Variants in RADIL observed in about 807,000 individuals in gnomAD.
RADIL encodes the protein ras-associating and dilute domain-containing protein.
RADIL carries 99 observed loss-of-function variants against 97.6 expected under a neutral mutation model. The observed-to-expected ratio is 1.01, with a 90% CI of 0.86 to 1.20. The LOEUF is 1.20. Ranked by LOEUF, RADIL falls within the 50% of genes most tolerant of loss-of-function variation. The pLI, the probability that RADIL is intolerant of heterozygous loss-of-function variation, is 0.00. For synonymous variants in RADIL, 803 were observed against 691.8 expected, an observed-to-expected ratio of 1.16 and a Z score of -2.52; for missense variants, 1,765 against 1,498.9, an observed-to-expected ratio of 1.18 and a Z score of -2.93.
intron 2 of RADIL, among the ~76,000 whole-genome samples, chr7:4,851,506 C>G (rs970302287): frequency 6.6e-6 from 1 of 152,154 alleles, no homozygotes; most frequent in African/African-American, 2.4e-5. Flanking sequence ...AGACTGCCAG[C>G]GAAGGCTCAG....
At chr7:4,853,916 C>T (rs1190781264) in intron 2 of RADIL, among the ~76,000 whole-genome samples, 1 of 152,116 alleles carries the variant, frequency 6.6e-6, no homozygotes, top group Non-Finnish European at 1.5e-5. Context: ...GTGATGTACC[C>T]AGCTAAGAAA....
chr7:4,877,511 G>A (rs541780800), intron 2 of RADIL, 94 bp downstream of exon 2: 17 of 1,388,830 alleles, frequency 1.2e-5, no homozygotes, highest in South Asian at 4.2e-5. Context: ...CCCGCCCCAC[G>A]CATGTCCCCT....
rs1396744711 is a variant in RADIL, at chr7:4,827,435, G to A, written c.1454+4706C>T. Among the ~76,000 whole-genome samples the A allele has an allele frequency of 5.3e-5, 8 of 151,476 alleles. No homozygotes were observed. In the South Asian group the frequency reaches 6.2e-4, roughly 12 times the overall value. On this transcript the variant is annotated intron_variant, in intron 5 of 14. Coordinates refer to ENST00000399583, the MANE Select transcript of RADIL (RefSeq NM_018059.5). ...AGCACTTTGGGAGGCCGAGGTGGGC[G>A]GGTCACCAGAGGTCAGGCGATCAAG...
At chr7:4,852,366 C>G (rs773047224) in intron 2 of RADIL, among the ~76,000 whole-genome samples, 2 of 152,190 alleles carry the variant, frequency 1.3e-5, no homozygotes, top group Non-Finnish European at 2.9e-5. Context: ...AAAAGAACTT[C>G]CACTGGAATT....
In RADIL at chr7:4,854,135, C is replaced by T. The variant is rs965550013; in HGVS notation, c.536-17530G>A. On this transcript the variant is annotated intron_variant, in intron 2 of 14. Coordinates refer to ENST00000399583, the MANE Select transcript of RADIL (RefSeq NM_018059.5). The surrounding 1 kb of genome is among the most constrained non-coding windows in gnomAD (Gnocchi z 5.1). The stretch of plus-strand genomic sequence containing the variant: ...GGCAGGGGCCCCATTAACCATCCTG[C>T]ACCTTGAGGTAACCCTGAAGATAGA... 1.3e-5 allele frequency among the ~76,000 whole-genome samples: 2 copies of T among 152,166 alleles called. No homozygotes were observed. The highest frequency in any genetic ancestry group is 2.4e-5 in the African/African-American group (1 of 41,434).
rs941795338 is a variant in RADIL, at chr7:4,880,125, G to A, written c.-64-1922C>T. On this transcript the variant is annotated intron_variant, in intron 1 of 14. Transcript: ENST00000399583. This position sits in a 1 kb window ranked among gnomAD's most constrained non-coding sequence, Gnocchi z 4.5. ...TCGCTGTGCCTGGCTTTCTGAAGAG[G>A]TGAATTTGCTGTAACAGGTCACGGA... Among the ~76,000 whole-genome samples the A allele has an allele frequency of 4.6e-5, 7 of 152,164 alleles. No homozygotes were observed. Among genetic ancestry groups the A allele is most frequent in the African/African-American group, 1.4e-4 (6 of 41,442 alleles).
rs961414604 is a variant in RADIL at position 4,854,088 on chromosome 7, C to T, written c.536-17483G>A. 1.3e-5 allele frequency among the ~76,000 whole-genome samples: 2 copies of T among 152,172 alleles called. No individual in the cohort carries two copies. Among genetic ancestry groups the T allele is most frequent in the African/African-American group, 4.8e-5 (2 of 41,436 alleles). On this transcript the variant is annotated intron_variant, in intron 2 of 14. Coordinates refer to ENST00000399583, the MANE Select transcript of RADIL (RefSeq NM_018059.5). The surrounding 1 kb of genome is among the most constrained non-coding windows in gnomAD (Gnocchi z 5.1). ...CATTCCCCGTCTTCCTTCTTTCTTC[C>T]TGCCTTAAATGAAGATGTGATGGCA...
Position 4,818,824 on chromosome 7 carries a change from T to C in RADIL, c.1616-1473A>G, listed in dbSNP as rs996558964. On this transcript the variant is annotated intron_variant, in intron 6 of 14. Coordinates refer to ENST00000399583, the MANE Select transcript of RADIL (RefSeq NM_018059.5). The surrounding 1 kb of genome is among the most constrained non-coding windows in gnomAD (Gnocchi z 7.1). ...CTGGTGGGAAGAGGGAAACGGGGCA[T>C]GGGAATGACAGGAGAAGGTGGCAGG... 2.6e-5 allele frequency among the ~76,000 whole-genome samples: 4 copies of C among 152,064 alleles called. No individual in the cohort carries two copies. The highest frequency in any genetic ancestry group is 1.5e-5 in the Non-Finnish European group (1 of 67,994).
At chr7:4,830,765 A>G (rs1004414415) in intron 5 of RADIL, among the ~76,000 whole-genome samples, 2 of 152,210 alleles carry the variant, frequency 1.3e-5, no homozygotes, top group Non-Finnish European at 2.9e-5. Context: ...CTGTAATCCC[A>G]GCACTTTGGG....
intron 2 of RADIL, chr7:4,838,147 C>T (rs940438944): frequency 9.9e-6 from 8 of 808,468 alleles, no homozygotes; most frequent in African/African-American, 9.3e-5. Flanking sequence ...GTGCTCCTGC[C>T]GCCTGCAGAA....
chr7:4,855,546 C>T (rs999784775), intron 2 of RADIL, among the ~76,000 whole-genome samples: 1 of 149,804 alleles, frequency 6.7e-6, no homozygotes, highest in Non-Finnish European at 1.5e-5. Context: ...CATGTTCTCA[C>T]TGGCACCGCG....
At chr7:4,800,141 G>T in intron 13 of RADIL, 30 bp downstream of exon 13, 1 of 1,564,616 alleles carries the variant, frequency 6.4e-7, no homozygotes, top group Non-Finnish European at 8.7e-7. Context: ...AGCCAGTATG[G>T]GGGTGCGGCG....
At chr7:4,807,839 CCTCT>C (rs1278271145) in intron 9 of RADIL, among the ~76,000 whole-genome samples, 6 of 52,094 alleles carry the variant, frequency 1.2e-4, no homozygotes, top group African/African-American at 3.8e-4. Context: ...CTTCTCTCTC[CCTCT>C]CTCTCTCCCC....
chr7:4,859,642 T>A (rs760328719), intron 2 of RADIL: 26 of 462,180 alleles, frequency 5.6e-5, no homozygotes, highest in Non-Finnish European at 1.0e-4. Context: ...GCAGATATTG[T>A]TCATGGACCC....
intron 9 of RADIL, chr7:4,809,160 G>A: frequency 2.0e-6 from 2 of 985,216 alleles, no homozygotes; most frequent in Non-Finnish European, 2.4e-6. Flanking sequence ...GGCCGCTTCT[G>A]GAAGACCCCT....
At chr7:4,875,166 T>C (rs1562460533) in intron 2 of RADIL, among the ~76,000 whole-genome samples, 1 of 139,420 alleles carries the variant, frequency 7.2e-6, no homozygotes, top group Non-Finnish European at 1.5e-5. Flanking sequence ...CACTCCAGCC[T>C]GGGCGACAGA....
At chr7:4,861,834 G>GCACGTCCCCCACCAACGCGACCTT in intron 2 of RADIL, 1 of 1,268,420 alleles carries the variant, frequency 7.9e-7, no homozygotes, top group Non-Finnish European at 1.0e-6. Context: ...CCCCGCCAGG[G>GCACGTCCCCCACCAACGCGACCTT]CACGTCCCCC....
chr7:4,805,469 A>AT, intron 10 of RADIL, 97 bp downstream of exon 10: 1 of 1,399,050 alleles, frequency 7.1e-7, no homozygotes, highest in Non-Finnish European at 9.5e-7. Context: ...GGTCCCCCAC[A>AT]CCCCACTTCA....
intron 9 of RADIL, chr7:4,809,035 C>G (rs1470184046): frequency 1.1e-6 from 1 of 911,650 alleles, no homozygotes; most frequent in Non-Finnish European, 1.3e-6. Context: ...TGTCCCCTTC[C>G]GACGCCACTG....
Sources: gnomAD v4.1 joint callset for allele counts (sites outside exome capture counted in the v4.1 genomes callset) on GRCh38, gnomAD v4.1.1 for gene constraint, Gnocchi (gnomAD v3.1) non-coding constraint, MANE v1.5 for transcripts, NCBI Gene and HGNC (gene_info 2026-07-23, HGNC 2026-07-21) for gene names.